Variants in EDA2R observed in about 807,000 individuals in gnomAD.
EDA2R encodes tumor necrosis factor receptor superfamily member 27.
In EDA2R, 26 loss-of-function variants were observed where a neutral mutation model predicts 20.1. The ratio of observed to expected loss-of-function variants is 1.30; its 90% CI spans 0.95 to 1.80. The LOEUF (loss-of-function observed/expected upper bound fraction) is 1.80. Ranked by LOEUF, EDA2R falls within the 40% of genes most tolerant of loss-of-function variation. The pLI, the probability that EDA2R is intolerant of heterozygous loss-of-function variation, is 0.00. For missense variants in EDA2R, 277 were observed against 228.7 expected (o/e 1.21, Z -1.36); for synonymous variants, 114 against 88.7 (o/e 1.29, Z -1.60).
At chrX:66,622,602 G>C (rs1176416741) in intron 1 of EDA2R, among the ~76,000 whole-genome samples, 1 of 111,768 alleles carries the variant, frequency 8.9e-6, no homozygotes, top group South Asian at 3.8e-4. Flanking sequence ...CCTCTACTGC[G>C]AGCCCATCTA....
chrX:66,635,619 G>A (rs185993753), intron 1 of EDA2R, among the ~76,000 whole-genome samples: 1 of 112,194 alleles, frequency 8.9e-6, no homozygotes, highest in Non-Finnish European at 1.9e-5. Flanking sequence ...ATTCTTTAGT[G>A]CCAGAGTTGG....
chrX:66,604,401 G>A lies in EDA2R; in HGVS notation c.352+20C>T. 1 of 1,192,826 alleles carries A rather than the reference G, an allele frequency of 8.4e-7. No individual in the cohort carries two copies. Among genetic ancestry groups the A allele is most frequent in the South Asian group, 1.9e-5 (1 of 53,538 alleles). On this transcript the variant is annotated intron_variant, in intron 4 of 6. Coordinates refer to ENST00000374719, the MANE Select transcript of EDA2R (RefSeq NM_021783.5). ...CCCAATGGGATGAGGAGAAAGGGAAGAAGAGAACTGGGTACACACATTGAA... is the reference window on the plus strand; with the variant it reads ...CCCAATGGGATGAGGAGAAAGGGAAAAAGAGAACTGGGTACACACATTGAA...
intron 4 of EDA2R, among the ~76,000 whole-genome samples, chrX:66,603,950 G>T (rs1929142421): frequency 1.8e-5 from 2 of 112,193 alleles, no homozygotes; most frequent in South Asian, 7.4e-4. Flanking sequence ...TAGGAAGTAA[G>T]TAAATAGATG....
chrX:66,636,015 C>G (rs951447300), intron 1 of EDA2R, among the ~76,000 whole-genome samples: 8 of 110,573 alleles, frequency 7.2e-5, no homozygotes, highest in African/African-American at 2.3e-4. Flanking sequence ...ATTCTCCTGC[C>G]TCAGCCTCCC....
chrX:66,606,704 C>A (rs1929746836), intron 2 of EDA2R, among the ~76,000 whole-genome samples: 1 of 112,169 alleles, frequency 8.9e-6, no homozygotes, highest in Admixed American at 9.4e-5. Flanking sequence ...CATCCCTCAC[C>A]CCAGAGCAGT....
At chrX:66,600,612 G>T (rs1400405800) in intron 5 of EDA2R, among the ~76,000 whole-genome samples, 6 of 111,774 alleles carry the variant, frequency 5.4e-5, no homozygotes, top group African/African-American at 2.0e-4. Flanking sequence ...AGACAAAATT[G>T]AGCCTACTGA....
chrX:66,623,896 A>G (rs1602291549), intron 1 of EDA2R, among the ~76,000 whole-genome samples: 1 of 112,096 alleles, frequency 8.9e-6, no homozygotes. Context: ...TTCCAGTTTT[A>G]TTCTTTTCCA....
intron 2 of EDA2R, among the ~76,000 whole-genome samples, chrX:66,609,334 C>T (rs944045313): frequency 9.2e-6 from 1 of 108,786 alleles, no homozygotes; most frequent in African/African-American, 3.6e-5. Context: ...CAGGCAGGCT[C>T]GAAATACTCC....
chrX:66,604,324 T>G, intron 4 of EDA2R, 97 bp downstream of exon 4: 1 of 713,183 alleles, frequency 1.4e-6, no homozygotes, highest in Non-Finnish European at 2.0e-6. Context: ...CTACTCTACA[T>G]GAAAAGGTAT....
At chrX:66,603,919 AAT>A (rs1479639734) in intron 4 of EDA2R, among the ~76,000 whole-genome samples, 1 of 112,367 alleles carries the variant, frequency 8.9e-6, no homozygotes, top group African/African-American at 3.2e-5. Context: ...TGATTTAAAA[AAT>A]ATGTCAATAA....
At chrX:66,605,657 A>T (rs773910594) in intron 2 of EDA2R, among the ~76,000 whole-genome samples, 1 of 111,898 alleles carries the variant, frequency 8.9e-6, no homozygotes, top group Non-Finnish European at 1.9e-5. Context: ...AACATTGTGA[A>T]CTGCGTACAA....
chrX:66,605,049 T>C lies in EDA2R; in HGVS notation c.265A>G (p.Arg89Gly). ...SNAVCGDCLP[R>G]FYRKTRIGGL... ...CTTGGTCTCATAAAGCAAGCTCACC[T>C]GGGCAAACAGTCCCCACAGACAGCA... Residue 89 changes from arginine (R) to glycine (G), a missense_variant and splice_region_variant, in exon 3 of 7, where the codon AGG (arginine) becomes GGG (glycine). Coordinates refer to ENST00000374719, the MANE Select transcript of EDA2R (RefSeq NM_021783.5). 8.3e-7 allele frequency: 1 copy of C among 1,199,594 alleles called. No individual in the cohort carries two copies.
At chrX:66,621,811 A>C (rs946732021) in intron 1 of EDA2R, among the ~76,000 whole-genome samples, 1 of 112,277 alleles carries the variant, frequency 8.9e-6, no homozygotes, top group African/African-American at 3.2e-5. Flanking sequence ...ATGCCCTGGA[A>C]TTAGACAGTG....
intron 2 of EDA2R, among the ~76,000 whole-genome samples, chrX:66,614,952 C>T (rs1931420384): frequency 9.0e-6 from 1 of 111,302 alleles, no homozygotes; most frequent in African/African-American, 3.3e-5. Context: ...CTTCAAAATG[C>T]CTAGTTCATT....
chrX:66,618,499 T>C (rs944258470), intron 1 of EDA2R, among the ~76,000 whole-genome samples: 2 of 112,307 alleles, frequency 1.8e-5, no homozygotes, highest in Non-Finnish European at 3.8e-5. Context: ...AGGTATTCCA[T>C]ACTGCAGCTA....
chrX:66,600,515 T>C (rs1008536360), intron 5 of EDA2R, among the ~76,000 whole-genome samples: 4 of 111,845 alleles, frequency 3.6e-5, no homozygotes, highest in Non-Finnish European at 7.5e-5. Context: ...CTTTTGTGCA[T>C]GATCAAGCAG....
chrX:66,613,222 C>T (rs1931087662), intron 2 of EDA2R, among the ~76,000 whole-genome samples: 1 of 111,309 alleles, frequency 9.0e-6, no homozygotes, highest in South Asian at 3.7e-4. Context: ...TAAAATGAAA[C>T]AAAATTTAAA....
chrX:66,616,563 G>T (rs955252045), intron 1 of EDA2R, among the ~76,000 whole-genome samples: 1 of 112,549 alleles, frequency 8.9e-6, no homozygotes, highest in Non-Finnish European at 1.9e-5. Context: ...CTGAAACATT[G>T]TTTCTCTTTG....
intron 2 of EDA2R, among the ~76,000 whole-genome samples, chrX:66,613,449 C>T (rs2064223750): frequency 1.8e-5 from 2 of 111,082 alleles, no homozygotes; most frequent in Non-Finnish European, 3.8e-5. Context: ...TGGTACATTT[C>T]CCCTATCAAA....
Sources: gnomAD v4.1 joint callset for allele counts (sites outside exome capture counted in the v4.1 genomes callset) on GRCh38, gnomAD v4.1.1 for gene constraint, MANE v1.5 for transcripts, NCBI Gene and HGNC (gene_info 2026-07-23, HGNC 2026-07-21) for gene names.